The following TENM3 variants were observed in gnomAD, a reference collection of about 807,000 sequenced individuals.
TENM3 encodes teneurin transmembrane protein 3.
In TENM3, 63 loss-of-function variants were observed where a neutral mutation model predicts 255.1. The ratio of observed to expected loss-of-function variants is 0.25; its 90% CI spans 0.20 to 0.30. TENM3 has a LOEUF of 0.30. Ranked by LOEUF, TENM3 falls within the 10% of genes least tolerant of loss-of-function variation. The probability of loss-of-function intolerance (pLI) is 1.00; values close to 1 mark genes in which losing one functional copy is unlikely to be tolerated. For synonymous variants in TENM3, 1,306 were observed against 1,322.3 expected, an observed-to-expected ratio of 0.99 and a Z score of 0.27; for missense variants, 2,929 against 3,461.1, an observed-to-expected ratio of 0.85 and a Z score of 3.86.
In TENM3 at chr4:182,247,537, G is replaced by A. The variant is rs1477603806; in HGVS notation, c.-76+4061G>A. 2.6e-5 allele frequency among the ~76,000 whole-genome samples: 4 copies of A among 152,284 alleles called. No homozygotes were observed. The East Asian group carries it at 7.7e-4, about 29-fold the overall frequency. On this transcript the variant is annotated intron_variant, in intron 1 of 27. Coordinates refer to ENST00000511685, the MANE Select transcript of TENM3 (RefSeq NM_001080477.4). Reference sequence around the variant, plus strand: ...CACAAAGCTGCGCTGTTAGTTTCTAGTCACAAAGTGTTGTTAGGCAAGGAC... The same window carrying A: ...CACAAAGCTGCGCTGTTAGTTTCTAATCACAAAGTGTTGTTAGGCAAGGAC...
chr4:182,619,854 C>T (rs531229288), intron 4 of TENM3, among the ~76,000 whole-genome samples: 4 of 152,280 alleles, frequency 2.6e-5, no homozygotes, highest in East Asian at 1.9e-4. Flanking sequence ...AGGCAGGCTC[C>T]GTGCAGGGCA....
chr4:181,827,947 A>G, the TENM3 span, among the ~76,000 whole-genome samples: 1 of 151,980 alleles, frequency 6.6e-6, no homozygotes, highest in Non-Finnish European at 1.5e-5. Context: ...AAAAAAAATG[A>G]TCTCTTCCTC....
At chr4:182,436,243 G>A (rs1366014461) in intron 3 of TENM3, among the ~76,000 whole-genome samples, 1 of 152,150 alleles carries the variant, frequency 6.6e-6, no homozygotes, top group African/African-American at 2.4e-5. Flanking sequence ...TAAGGGAGAT[G>A]TTTCCCTTAT....
chr4:181,501,357 GT>G, the TENM3 span, among the ~76,000 whole-genome samples: 3 of 151,472 alleles, frequency 2.0e-5, no homozygotes, highest in Admixed American at 6.6e-5. Context: ...AATGGATTGG[GT>G]TTTTTTCTTT....
intron 1 of TENM3, among the ~76,000 whole-genome samples, chr4:182,320,454 T>C (rs1299831813): frequency 2.6e-5 from 4 of 152,196 alleles, no homozygotes; most frequent in Non-Finnish European, 5.9e-5. Context: ...AATCTCTGCC[T>C]CTGTCTTCTC....
intron 3 of TENM3, among the ~76,000 whole-genome samples, chr4:182,570,746 C>T (rs1263964290): frequency 4.6e-5 from 7 of 151,812 alleles, no homozygotes; most frequent in African/African-American, 1.5e-4. Flanking sequence ...GGCAGGAGAA[C>T]GTTAACCTGG....
At chr4:182,178,239 T>C (rs1422312578) in intron 1 of TENM3, among the ~76,000 whole-genome samples, 28 of 152,186 alleles carry the variant, frequency 1.8e-4, no homozygotes, top group Admixed American at 1.4e-3. Flanking sequence ...GCTGAGAACA[T>C]TCAGATAACT....
At chr4:182,190,577 A>G (rs997043872) in intron 1 of TENM3, among the ~76,000 whole-genome samples, 6 of 152,208 alleles carry the variant, frequency 3.9e-5, no homozygotes, top group African/African-American at 1.2e-4. Flanking sequence ...TCCCATGACA[A>G]TTAACAGACC....
chr4:182,464,472 G>T (rs916900476), intron 3 of TENM3, among the ~76,000 whole-genome samples: 1 of 152,042 alleles, frequency 6.6e-6, no homozygotes. Flanking sequence ...GGCCAGCCTG[G>T]TCTCCAACTC....
At chr4:182,766,806 G>A (rs889394737) in intron 22 of TENM3, among the ~76,000 whole-genome samples, 7 of 151,820 alleles carry the variant, frequency 4.6e-5, no homozygotes, top group Non-Finnish European at 7.4e-5. Flanking sequence ...AGCAAAGCAC[G>A]GGTCAGAATT....
At chr4:182,086,245 A>C in the TENM3 span, among the ~76,000 whole-genome samples, 23 of 152,196 alleles carry the variant, frequency 1.5e-4, no homozygotes, top group Middle Eastern at 3.2e-3. Flanking sequence ...CGCTAATCAC[A>C]GTCTGTCTTG....
Position 182,588,441 on chromosome 4 carries a change from A to G in TENM3, c.512-12483A>G, listed in dbSNP as rs535646874. ...TTTGCCTTCCACCCTGTCCTTATCT[A>G]TATTACAAATGTGTTTTATTTATAT... On this transcript the variant is annotated intron_variant, in intron 3 of 27. Transcript: ENST00000511685. Among the ~76,000 whole-genome samples, 161 of 152,302 alleles carry G rather than the reference A, an allele frequency of 1.1e-3. 1 individual carries two copies. In the Middle Eastern group the frequency reaches 0.027, roughly 26 times the overall value.
chr4:182,109,423 C>A, the TENM3 span, among the ~76,000 whole-genome samples: 1 of 151,470 alleles, frequency 6.6e-6, no homozygotes, highest in Non-Finnish European at 1.5e-5. Flanking sequence ...AAAATGTAGA[C>A]AAATCGTTTT....
the TENM3 span, among the ~76,000 whole-genome samples, chr4:181,864,991 TTACAAAGTAA>T: frequency 6.6e-6 from 1 of 152,238 alleles, no homozygotes. Flanking sequence ...CAATCCACCC[TTACAAAGTAA>T]TACAAAGTGT....
chr4:181,455,304 A>G, the TENM3 span, among the ~76,000 whole-genome samples: 1 of 152,088 alleles, frequency 6.6e-6, no homozygotes, highest in African/African-American at 2.4e-5. Context: ...ACAGTGGTTT[A>G]GAAGGATAGA....
the TENM3 span, among the ~76,000 whole-genome samples, chr4:181,925,189 G>A: frequency 1.3e-5 from 2 of 152,002 alleles, no homozygotes; most frequent in African/African-American, 4.8e-5. Context: ...AACAGTCTTG[G>A]GTGTTTTTAC....
At chr4:182,494,816 A>G (rs1003212678) in intron 3 of TENM3, among the ~76,000 whole-genome samples, 1 of 152,184 alleles carries the variant, frequency 6.6e-6, no homozygotes, top group African/African-American at 2.4e-5. Flanking sequence ...TAGTTTGGCA[A>G]TGTTTTAAAT....
chr4:182,025,319 C>T, the TENM3 span, among the ~76,000 whole-genome samples: 10 of 152,144 alleles, frequency 6.6e-5, no homozygotes, highest in South Asian at 2.1e-4. Context: ...TGAGCCACCA[C>T]GCCTGGCTAG....
chr4:182,732,061 G>A (rs1192779667), intron 16 of TENM3, among the ~76,000 whole-genome samples: 2 of 152,026 alleles, frequency 1.3e-5, no homozygotes, highest in Non-Finnish European at 2.9e-5. Flanking sequence ...GATTACAGGT[G>A]TGAGCCACCG....
Sources: allele counts gnomAD v4.1 joint callset (sites outside exome capture counted in the v4.1 genomes callset), GRCh38; gene constraint gnomAD v4.1.1; transcripts MANE v1.5; gene names NCBI Gene and HGNC (gene_info 2026-07-23, HGNC 2026-07-21).